The following PRTN3 variants were observed in gnomAD, a reference collection of about 807,000 sequenced individuals.
The protein encoded by PRTN3 is proteinase 3, also known as myeloblastin.
PRTN3 carries 22 observed loss-of-function variants against 20.7 expected under a neutral mutation model. The ratio of observed to expected loss-of-function variants is 1.06; its 90% CI spans 0.76 to 1.52. PRTN3 has a LOEUF of 1.52. PRTN3 is among the 40% of genes most tolerant of loss of function. The probability of loss-of-function intolerance (pLI) is 0.00; values close to 1 mark genes in which losing one functional copy is unlikely to be tolerated. For missense variants in PRTN3, 378 were observed against 359.6 expected (o/e 1.05, Z -0.41); for synonymous variants, 173 against 152.9 (o/e 1.13, Z -0.97).
intron 2 of PRTN3, 130 bp from the exon 3 acceptor site, chr19:843,763 T>G: frequency 7.6e-6 from 11 of 1,453,456 alleles, no homozygotes; most frequent in Non-Finnish European, 9.1e-6. Flanking sequence ...GCGTGGGCAG[T>G]TCTGGGGGGA....
At chr19:841,137 C>T (rs1190450417) in intron 1 of PRTN3, 68 bp downstream of exon 1, 11 of 1,549,096 alleles carry the variant, frequency 7.1e-6, no homozygotes, top group African/African-American at 1.3e-5. Context: ...ATATCCACCA[C>T]GAGGTCCATC....
Position 847,047 on chromosome 19 carries a change from T to C in PRTN3, c.600+670T>C, listed in dbSNP as rs2035526224. Among the ~76,000 whole-genome samples, 3 of 152,150 alleles carry C rather than the reference T, an allele frequency of 2.0e-5. No individual in the cohort carries two copies. The South Asian group carries it at 6.2e-4, about 32-fold the overall frequency. Reference sequence around the variant, plus strand: ...CAGGCCAGCAGTGGTGGCTCACGCCTGTAATCTCAGCACTTTGGGAGGCCA... The same window carrying C: ...CAGGCCAGCAGTGGTGGCTCACGCCCGTAATCTCAGCACTTTGGGAGGCCA... On this transcript the variant is annotated intron_variant, in intron 4 of 4. Coordinates refer to ENST00000234347, the MANE Select transcript of PRTN3 (RefSeq NM_002777.4).
intron 1 of PRTN3, among the ~76,000 whole-genome samples, chr19:842,036 T>C (rs1378648562): frequency 1.3e-5 from 2 of 151,104 alleles, no homozygotes; most frequent in Admixed American, 6.6e-5. Context: ...CCTTTTTTTT[T>C]CTTTTTTGAA....
chr19:842,329 T>C (rs2145124668), intron 1 of PRTN3, among the ~76,000 whole-genome samples: 1 of 151,418 alleles, frequency 6.6e-6, no homozygotes, highest in African/African-American at 2.4e-5. Context: ...TTTTTTTTTT[T>C]TTTTTTGCTT....
At chr19:844,350 GCC>G (rs1399791453) in intron 3 of PRTN3, among the ~76,000 whole-genome samples, 2 of 89,226 alleles carry the variant, frequency 2.2e-5, no homozygotes, top group African/African-American at 4.8e-5. Context: ...CCTCTCCCCT[GCC>G]CGCGCCTCTC....
intron 4 of PRTN3, 51 bp downstream of exon 4, chr19:846,428 G>C (rs1375917759): frequency 2.6e-6 from 4 of 1,511,828 alleles, no homozygotes; most frequent in African/African-American, 2.8e-5. Context: ...GAGGGGAGGA[G>C]GGCGGCGGCC....
intron 2 of PRTN3, 75 bp downstream of exon 2, chr19:843,701 C>T: frequency 2.7e-6 from 4 of 1,500,222 alleles, no homozygotes; most frequent in East Asian, 4.9e-5. Flanking sequence ...CACTGTCCCT[C>T]TGCCCGGGGA....
chr19:841,853 G>T (rs1279202169), intron 1 of PRTN3, among the ~76,000 whole-genome samples: 1 of 141,482 alleles, frequency 7.1e-6, no homozygotes, highest in South Asian at 2.3e-4. Flanking sequence ...TCAGCCTCCC[G>T]AGTAGCTGGG....
chr19:844,560 C>T (rs1054983322), intron 3 of PRTN3, among the ~76,000 whole-genome samples: 2 of 143,830 alleles, frequency 1.4e-5, no homozygotes, highest in Non-Finnish European at 3.0e-5. Flanking sequence ...GTGCTGTTCC[C>T]CCAGAAAGCC....
chr19:841,618 G>T (rs67907807), intron 1 of PRTN3, among the ~76,000 whole-genome samples: 1 of 49,062 alleles, frequency 2.0e-5, no homozygotes, highest in Non-Finnish European at 4.3e-5. Flanking sequence ...GTGAATGAAT[G>T]AATGAGTGAG....
chr19:847,514 A>G (rs993902541), intron 4 of PRTN3, among the ~76,000 whole-genome samples: 1 of 150,326 alleles, frequency 6.7e-6, no homozygotes. Flanking sequence ...AAGAAGAAAG[A>G]AAGAAAAAGA....
intron 4 of PRTN3, among the ~76,000 whole-genome samples, chr19:847,359 C>T (rs1017594264): frequency 6.6e-6 from 1 of 151,766 alleles, no homozygotes; most frequent in Admixed American, 6.6e-5. Flanking sequence ...ATCACTTGAA[C>T]CCGGGAGGCA....
chr19:843,882 C>G lies in PRTN3; in HGVS notation c.228-11C>G. The G allele has an allele frequency of 6.3e-7, 1 of 1,580,118 alleles. No individual in the cohort carries two copies. Among genetic ancestry groups the G allele is most frequent in the South Asian group, 1.2e-5 (1 of 86,506 alleles). The stretch of plus-strand genomic sequence containing the variant: ...CCAGGGCGCCGAGGAGTGACCACCC[C>G]ACCCCCGCAGACCCCAGCGCCTGGT... On this transcript the variant is annotated splice_polypyrimidine_tract_variant and intron_variant, in intron 2 of 4. Transcript: ENST00000234347.
chr19:846,491 C>A, intron 4 of PRTN3, 114 bp downstream of exon 4: 2 of 1,131,822 alleles, frequency 1.8e-6, no homozygotes, highest in Non-Finnish European at 2.5e-6. Flanking sequence ...CCTCAGTCTC[C>A]CCACCTGGAA....
intron 1 of PRTN3, among the ~76,000 whole-genome samples, chr19:842,340 CT>C (rs1043845211): frequency 7.7e-5 from 8 of 104,082 alleles, no homozygotes; most frequent in Middle Eastern, 5.5e-3. Context: ...TTTTTTGCTT[CT>C]TTTTTTTTAT....
chr19:843,274 C>A (rs1385387983), intron 1 of PRTN3, 187 bp from the exon 2 acceptor site: 3 of 595,790 alleles, frequency 5.0e-6, no homozygotes, highest in East Asian at 3.0e-5. Flanking sequence ...GCCACCAGGG[C>A]GCCTTTGGAA....
chr19:845,663 G>A (rs901573417), intron 3 of PRTN3, among the ~76,000 whole-genome samples: 1 of 151,058 alleles, frequency 6.6e-6, no homozygotes, highest in African/African-American at 2.4e-5. Flanking sequence ...GCAGTGAGCC[G>A]AGATTGTGCC....
chr19:843,615 C>T lies in PRTN3; in HGVS notation c.216C>T (p.Cys72=). ...GCTTCGTGCTGACGGCCGCGCACTGCCTGCGGGACATGTGAGCGGCCGCCT... is the reference window on the plus strand; with the variant it reads ...GCTTCGTGCTGACGGCCGCGCACTGTCTGCGGGACATGTGAGCGGCCGCCT... ...HPSFVLTAAH[C]LRDIPQRLVN... is the part of the protein sequence containing the mutation. The change falls in exon 2 of 5, where the codon TGC becomes TGT. Residue 72 remains cysteine, a synonymous_variant. Transcript: ENST00000234347. 6.3e-7 allele frequency: 1 copy of T among 1,588,852 alleles called. No homozygotes were observed. Among genetic ancestry groups the T allele is most frequent in the Non-Finnish European group, 8.5e-7 (1 of 1,173,256 alleles).
chr19:845,767 G>C (rs138656865), intron 3 of PRTN3, among the ~76,000 whole-genome samples: 98 of 151,404 alleles, frequency 6.5e-4, no homozygotes, highest in African/African-American at 2.4e-3. Flanking sequence ...TGAATGGCCG[G>C]GCACTATGGC....
Sources: allele counts gnomAD v4.1 joint callset (sites outside exome capture counted in the v4.1 genomes callset), GRCh38; gene constraint gnomAD v4.1.1; transcripts MANE v1.5; gene names NCBI Gene and HGNC (gene_info 2026-07-23, HGNC 2026-07-21).